BRWD3: variants seen among roughly 807,000 people sequenced by gnomAD.
BRWD3 encodes bromodomain and WD repeat domain containing 3.
Under a neutral mutation model 149.7 loss-of-function variants are expected in BRWD3, and 10 were observed. That is an observed-to-expected ratio of 0.07 (90% CI 0.04 to 0.11). The LOEUF is 0.11. BRWD3 is among the 10% of genes least tolerant of loss of function. The probability of loss-of-function intolerance (pLI) is 1.00; values close to 1 mark genes in which losing one functional copy is unlikely to be tolerated. For missense variants in BRWD3, 940 were observed against 1,373.2 expected, an observed-to-expected ratio of 0.68 and a Z score of 4.99; for synonymous variants, 504 against 456.7, an observed-to-expected ratio of 1.10 and a Z score of -1.32.
At chrX:80,761,923 A>C (rs2073806667) in intron 6 of BRWD3, among the ~76,000 whole-genome samples, 2 of 111,708 alleles carry the variant, frequency 1.8e-5, no homozygotes, top group Admixed American at 1.9e-4. Flanking sequence ...ACTCAACCAC[A>C]TGAAGACACA....
chrX:80,758,131 G>A (rs778573132), intron 6 of BRWD3, among the ~76,000 whole-genome samples: 4 of 111,178 alleles, frequency 3.6e-5, no homozygotes, highest in Non-Finnish European at 7.5e-5. Flanking sequence ...CCTGGGAGGC[G>A]GAGGTTGTGG....
chrX:80,729,170 A>T lies in BRWD3; in HGVS notation c.1233-265T>A, dbSNP rs750669538. Among the ~76,000 whole-genome samples the T allele has an allele frequency of 2.7e-5, 3 of 111,871 alleles. No individual in the cohort carries two copies. In the East Asian group the frequency reaches 8.4e-4, roughly 31 times the overall value. The stretch of plus-strand genomic sequence containing the variant: ...TCCTTGAGAACCAAAAACTACTAAG[A>T]AATCTATAAATACCTTGAAAAATAA... On this transcript the variant is annotated intron_variant, in intron 13 of 40. Coordinates refer to ENST00000373275, the MANE Select transcript of BRWD3 (RefSeq NM_153252.5).
chrX:80,798,716 GA>G lies in BRWD3; in HGVS notation c.181-4945del, dbSNP rs1353654015. Among the ~76,000 whole-genome samples, 3 of 111,183 alleles carry G rather than the reference GA, an allele frequency of 2.7e-5. No homozygotes were observed. The East Asian group carries it at 8.5e-4, about 31-fold the overall frequency. ...AGAGACAGAGATGGGAGGATCACTT[GA>G]GGCCAAGAGTTCAAGACCATCCTGG... On this transcript the variant is annotated intron_variant, in intron 4 of 40. Transcript: ENST00000373275.
intron 6 of BRWD3, among the ~76,000 whole-genome samples, chrX:80,763,158 T>C (rs1157309260): frequency 9.0e-6 from 1 of 111,515 alleles, no homozygotes; most frequent in Non-Finnish European, 1.9e-5. Context: ...TTTAACCCTA[T>C]GAAGTGAGTA....
chrX:80,809,757 A>AAAAGAG lies in BRWD3; in HGVS notation c.-292_-287dup. On this transcript the variant is annotated 5_prime_UTR_variant, in exon 1 of 41. Coordinates refer to ENST00000373275, the MANE Select transcript of BRWD3 (RefSeq NM_153252.5). Reference sequence around the variant, plus strand: ...AGAGAAGAGAGAGAGAGAGAGAGGAAAAAGAGAGAGAGAGAGAGAGAGAGA... The same window carrying AAAAGAG: ...AGAGAAGAGAGAGAGAGAGAGAGGAAAAAGAGAAAGAGAGAGAGAGAGAGAGAGAGA... 2.4e-5 allele frequency: 2 copies of AAAAGAG among 81,681 alleles called. No individual in the cohort carries two copies. Among genetic ancestry groups the AAAAGAG allele is most frequent in the Admixed American group, 2.4e-4 (1 of 4,212 alleles). The allele number at this position is 81,681 out of a possible 1,213,427, so 6.7% of individuals were successfully genotyped here.
intron 4 of BRWD3, among the ~76,000 whole-genome samples, chrX:80,805,312 C>T (rs1310983183): frequency 1.8e-5 from 2 of 111,133 alleles, no homozygotes; most frequent in Admixed American, 9.6e-5. Flanking sequence ...TAATATTATT[C>T]TGATAAATTA....
At chrX:80,808,978 C>G in intron 3 of BRWD3, 35 bp downstream of exon 3, 6 of 1,191,280 alleles carry the variant, frequency 5.0e-6, no homozygotes, top group Non-Finnish European at 4.5e-6. Context: ...AGTCTCACCT[C>G]AACCCTCCCC....
At chrX:80,747,828 T>C (rs879016265) in intron 6 of BRWD3, among the ~76,000 whole-genome samples, 1 of 112,012 alleles carries the variant, frequency 8.9e-6, no homozygotes, top group Non-Finnish European at 1.9e-5. Flanking sequence ...AGAGGGTTCT[T>C]TTGGTGGATT....
At chrX:80,758,340 C>A (rs1478844627) in intron 6 of BRWD3, among the ~76,000 whole-genome samples, 2 of 112,062 alleles carry the variant, frequency 1.8e-5, no homozygotes, top group African/African-American at 6.5e-5. Flanking sequence ...AAGTGATCTA[C>A]AAAAATATAT....
At chrX:80,801,699 G>A (rs2074299637) in intron 4 of BRWD3, among the ~76,000 whole-genome samples, 2 of 109,451 alleles carry the variant, frequency 1.8e-5, no homozygotes, top group Admixed American at 2.0e-4. Flanking sequence ...AAAATTACGT[G>A]GGCATGGTGG....
At chrX:80,766,420 C>A (rs2073858978) in intron 6 of BRWD3, among the ~76,000 whole-genome samples, 1 of 111,460 alleles carries the variant, frequency 9.0e-6, no homozygotes, top group African/African-American at 3.3e-5. Context: ...CCTACTGATT[C>A]TGTTTCTCTG....
intron 21 of BRWD3, among the ~76,000 whole-genome samples, chrX:80,708,227 C>T (rs1192175855): frequency 9.1e-6 from 1 of 109,487 alleles, no homozygotes; most frequent in Non-Finnish European, 1.9e-5. Flanking sequence ...GAAACCCTGT[C>T]TCTACTAAAA....
rs748889698 is a variant in BRWD3 at position 80,700,433 on chromosome X, G to GATATATATATATAT, written c.2836-370_2836-369insATATATATATATAT. Among the ~76,000 whole-genome samples the GATATATATATATAT allele has an allele frequency of 3.0e-3, 168 of 55,610 alleles. 9 individuals carry two copies. The highest frequency in any genetic ancestry group is 3.8e-3 in the East Asian group (7 of 1,827). 48.3% of individuals were successfully genotyped at this position (55,610 alleles called of 115,157 possible). On this transcript the variant is annotated intron_variant, in intron 24 of 40. Transcript: ENST00000373275. ...AATCAACTGCAGATTGAAAATATTT[G>GATATATATATATAT]ATATATATAACAATACAATTAGGCC...
In BRWD3 at chrX:80,809,592, C is replaced by G. The variant is rs747762829; in HGVS notation, c.-121G>C. On this transcript the variant is annotated 5_prime_UTR_variant, in exon 1 of 41. Transcript: ENST00000373275. Reference sequence around the variant, plus strand: ...GAGTCCCGCCGCTTCCGCCGCACTCCTCGTCCTAGTTTCGCTCTCTCTCGA... The same window carrying G: ...GAGTCCCGCCGCTTCCGCCGCACTCGTCGTCCTAGTTTCGCTCTCTCTCGA... The G allele has an allele frequency of 2.8e-5, 13 of 466,346 alleles. No individual in the cohort carries two copies. In the East Asian group the frequency reaches 4.8e-4, roughly 17 times the overall value. The allele number at this position is 466,346 out of a possible 1,213,427, so 38.4% of individuals were successfully genotyped here.
Position 80,809,520 on chromosome X carries a change from GGC to G in BRWD3, c.-51_-50del. 1.2e-6 allele frequency: 1 copy of G among 811,798 alleles called. No homozygotes were observed. Among genetic ancestry groups the G allele is most frequent in the African/African-American group, 2.1e-5 (1 of 48,245 alleles). 66.9% of individuals were successfully genotyped at this position (811,798 alleles called of 1,213,427 possible). ...GCTTCGCTCCGGAGGGGCTGGCGGGGGCGGGTGGGGGCGCTGCCTCTATTGTG... is the reference window on the plus strand; with the variant it reads ...GCTTCGCTCCGGAGGGGCTGGCGGGGGGGTGGGGGCGCTGCCTCTATTGTG... On this transcript the variant is annotated 5_prime_UTR_variant, in exon 1 of 41. Transcript: ENST00000373275.
chrX:80,688,647 T>A (rs1226645230), intron 33 of BRWD3, among the ~76,000 whole-genome samples: 1 of 110,637 alleles, frequency 9.0e-6, no homozygotes, highest in Non-Finnish European at 1.9e-5. Context: ...CTGGGTAATA[T>A]GTAGTAGAAA....
chrX:80,727,721 CA>C (rs200487205), intron 14 of BRWD3, among the ~76,000 whole-genome samples: 7,672 of 109,699 alleles, frequency 0.07, 524 homozygotes, highest in African/African-American at 0.21. Context: ...AAGGAGTTGA[CA>C]AGTTGAGATT....
chrX:80,722,667 C>T lies in BRWD3; in HGVS notation c.1771G>A (p.Asp591Asn). 1.7e-6 allele frequency: 2 copies of T among 1,211,109 alleles called. No homozygotes were observed. Among genetic ancestry groups the T allele is most frequent in the Non-Finnish European group, 2.2e-6 (2 of 894,977 alleles). The change falls in exon 17 of 41, where the codon GAT (aspartate) becomes AAT (asparagine). Residue 591 changes from aspartate to asparagine, a missense_variant. Transcript: ENST00000373275. ...GTGGGATGAGGATTTCCATCAACATCCACCAAAAATGGAGGAGGCATGAGG... is the reference window on the plus strand; with the variant it reads ...GTGGGATGAGGATTTCCATCAACATTCACCAAAAATGGAGGAGGCATGAGG... ...PHLMPPPFLVDVDGNPHPTKF... is the reference protein window; with the variant it reads ...PHLMPPPFLVNVDGNPHPTKF...
At position 80,789,412 on chromosome X, in the gene BRWD3, G is replaced by T. The variant is rs186436059; in HGVS notation, c.430+2442C>A. Reference sequence around the variant, plus strand: ...TTTTTTTGAGACGGAGTCTCGCTCTGTCGCCCAGGCTGGAGTGCAGTGGCG... The same window carrying T: ...TTTTTTTGAGACGGAGTCTCGCTCTTTCGCCCAGGCTGGAGTGCAGTGGCG... On this transcript the variant is annotated intron_variant, in intron 6 of 40. Transcript: ENST00000373275. Among the ~76,000 whole-genome samples, 91 of 110,741 alleles carry T rather than the reference G, an allele frequency of 8.2e-4. No individual in the cohort carries two copies. In the East Asian group the frequency reaches 0.016, roughly 19 times the overall value.
Sources: allele counts gnomAD v4.1 joint callset (sites outside exome capture counted in the v4.1 genomes callset), GRCh38; gene constraint gnomAD v4.1.1; transcripts MANE v1.5; gene names NCBI Gene and HGNC (gene_info 2026-07-23, HGNC 2026-07-21).